Variants in MTCL1 observed in about 807,000 individuals in gnomAD.
MTCL1 encodes the protein microtubule crosslinking factor 1, also known as microtubule cross-linking factor 1.
A neutral mutation model predicts 141.4 loss-of-function variants in MTCL1; 79 were observed. The ratio of observed to expected loss-of-function variants is 0.56; its 90% CI spans 0.47 to 0.67. MTCL1 has a LOEUF of 0.67. Among genes scored for constraint, MTCL1 ranks in the 30% least tolerant of loss-of-function variants. The pLI, the probability that MTCL1 is intolerant of heterozygous loss-of-function variation, is 0.00. For synonymous variants in MTCL1, 914 were observed against 875.8 expected (o/e 1.04, Z -0.77); for missense variants, 2,177 against 2,113.9 (o/e 1.03, Z -0.59).
chr18:8,740,570 C>T (rs1481027588), intron 4 of MTCL1, among the ~76,000 whole-genome samples: 2 of 152,214 alleles, frequency 1.3e-5, no homozygotes, highest in Admixed American at 1.3e-4. Flanking sequence ...GCAACCTCCA[C>T]CTCCTGGGTT....
intron 13 of MTCL1, 43 bp from the exon 13 acceptor site, chr18:8,821,424 A>T (rs779627205): frequency 1.5e-6 from 2 of 1,338,828 alleles, no homozygotes; most frequent in Non-Finnish European, 2.1e-6. Flanking sequence ...CTTCTGGACA[A>T]CCAAAATTAA....
chr18:8,749,602 A>C (rs1275446024), intron 4 of MTCL1, among the ~76,000 whole-genome samples: 1 of 152,226 alleles, frequency 6.6e-6, no homozygotes, highest in Non-Finnish European at 1.5e-5. Context: ...AGAAGAAAGC[A>C]GAGCCTGAGC....
At chr18:8,724,183 G>A (rs975503308) in intron 4 of MTCL1, among the ~76,000 whole-genome samples, 1 of 152,154 alleles carries the variant, frequency 6.6e-6, no homozygotes, top group Non-Finnish European at 1.5e-5. Context: ...GCCGAGGTGG[G>A]TGGATCACCT....
At chr18:8,798,204 G>A (rs1389533659) in exon 10 of MTCL1, 3 of 1,600,012 alleles carry the variant, frequency 1.9e-6, no homozygotes, top group Non-Finnish European at 2.6e-6. Context: ...GCTTTCCAGT[G>A]GGGGAGCACT....
exon 1 of MTCL1, chr18:8,706,473 C>T (rs1379256570): frequency 7.9e-7 from 1 of 1,265,744 alleles, no homozygotes; most frequent in African/African-American, 1.6e-5. Flanking sequence ...CGCTCCTCGC[C>T]GCGCCCCTCG....
intron 4 of MTCL1, 48 bp from the exon 4 acceptor site, chr18:8,777,785 A>G (rs1271914651): frequency 1.3e-6 from 2 of 1,569,552 alleles, no homozygotes; most frequent in Non-Finnish European, 1.8e-6. Context: ...AATGCTGGCT[A>G]TCACGTGTGA....
intron 4 of MTCL1, among the ~76,000 whole-genome samples, chr18:8,728,524 C>T (rs1317604251): frequency 6.6e-6 from 1 of 151,856 alleles, no homozygotes; most frequent in Non-Finnish European, 1.5e-5. Context: ...AGTTTCAGTC[C>T]ACTTTATCTA....
At position 8,807,836 on chromosome 18, in the gene MTCL1, G is replaced by A. The variant is rs535068776; in HGVS notation, c.2604+776G>A. Among the ~76,000 whole-genome samples, 81 of 152,274 alleles carry A rather than the reference G, an allele frequency of 5.3e-4. 2 individuals carry two copies. Among genetic ancestry groups the A allele is most frequent in the African/African-American group, 1.9e-3 (80 of 41,556 alleles). On this transcript the variant is annotated intron_variant, in intron 11 of 16. Coordinates refer to ENST00000359865, the Ensembl canonical transcript of MTCL1. ...AGCCCCTTGATCATGAGGAGGGAGG[G>A]AAGGTCTGTGTATCCTTGGTAATCT...
chr18:8,706,436 C>T (rs1458021149), exon 1 of MTCL1: 4 of 1,227,050 alleles, frequency 3.3e-6, no homozygotes, highest in Non-Finnish European at 3.0e-6. Context: ...GCCCGAGGAG[C>T]GCCGCCGGGC....
intron 11 of MTCL1, among the ~76,000 whole-genome samples, chr18:8,808,479 C>A: frequency 6.6e-6 from 1 of 151,988 alleles, no homozygotes; most frequent in South Asian, 2.1e-4. Context: ...CCCTAAATAC[C>A]AAAAAATAAA....
intron 4 of MTCL1, among the ~76,000 whole-genome samples, chr18:8,730,944 G>T (rs1402208631): frequency 3.3e-5 from 5 of 152,152 alleles, no homozygotes; most frequent in African/African-American, 1.2e-4. Flanking sequence ...TGTGCTTGCT[G>T]CTTTTCTTAA....
At chr18:8,786,524 G>A (rs144774234) in intron 7 of MTCL1, 100 of 367,932 alleles carry the variant, frequency 2.7e-4, no homozygotes, top group Non-Finnish European at 4.1e-4. Context: ...ACCATCCCAC[G>A]GTCTCGAGTG....
At chr18:8,816,136 A>G (rs1157059510) in intron 12 of MTCL1, among the ~76,000 whole-genome samples, 2 of 152,210 alleles carry the variant, frequency 1.3e-5, no homozygotes, top group African/African-American at 4.8e-5. Context: ...ATGGGTGTAT[A>G]TAGATTTTGT....
chr18:8,760,520 A>G (rs546401962), intron 4 of MTCL1, among the ~76,000 whole-genome samples: 1 of 152,314 alleles, frequency 6.6e-6, no homozygotes, highest in East Asian at 1.9e-4. Context: ...TAGGAAGCAA[A>G]TGTTAGGATT....
chr18:8,785,158 C>T (rs769018061), intron 6 of MTCL1, among the ~76,000 whole-genome samples: 2 of 152,184 alleles, frequency 1.3e-5, no homozygotes, highest in Non-Finnish European at 2.9e-5. Context: ...CGATAGGGCT[C>T]GACGCATGCC....
At chr18:8,720,760 A>T (rs1340552818) in intron 4 of MTCL1, among the ~76,000 whole-genome samples, 2 of 152,210 alleles carry the variant, frequency 1.3e-5, no homozygotes, top group Non-Finnish European at 2.9e-5. Context: ...AAAGCCTAAA[A>T]TATTTTCTAT....
rs2096524464 is a variant in MTCL1 at position 8,779,228 on chromosome 18, G to A, written c.417+1336G>A. Among the ~76,000 whole-genome samples, 1 of 152,166 alleles carries A rather than the reference G, an allele frequency of 6.6e-6. No homozygotes were observed. Among genetic ancestry groups the A allele is most frequent in the African/African-American group, 2.4e-5 (1 of 41,440 alleles). On this transcript the variant is annotated intron_variant, in intron 5 of 16. Transcript: ENST00000359865. The surrounding 1 kb of genome is among the most constrained non-coding windows in gnomAD (Gnocchi z 4.1). Reference sequence around the variant, plus strand: ...GCTTGACAAGGCCTTTCCCGCTGGTGGTGATGGTGGTGGGCCCCTGGGTGT... The same window carrying A: ...GCTTGACAAGGCCTTTCCCGCTGGTAGTGATGGTGGTGGGCCCCTGGGTGT...
intron 4 of MTCL1, among the ~76,000 whole-genome samples, chr18:8,727,400 A>G (rs1365433151): frequency 6.6e-6 from 1 of 152,222 alleles, no homozygotes; most frequent in Non-Finnish European, 1.5e-5. Context: ...ACTAATTTAC[A>G]TTCCTACTAA....
rs1380143564 is a variant in MTCL1, at chr18:8,828,182, G to A, written c.4723-726G>A. ...CTCGGTATGCGTTCCCAAATCCCCA[G>A]GACTACTTCTGATTCCAAGCCCACC... On this transcript the variant is annotated intron_variant, in intron 15 of 16. Transcript: ENST00000359865. The surrounding 1 kb of genome is among the most constrained non-coding windows in gnomAD (Gnocchi z 5.2). Among the ~76,000 whole-genome samples, 1 of 152,126 alleles carries A rather than the reference G, an allele frequency of 6.6e-6. No individual in the cohort carries two copies. Among genetic ancestry groups the A allele is most frequent in the African/African-American group, 2.4e-5 (1 of 41,420 alleles).
Sources: gnomAD v4.1 joint callset for allele counts (sites outside exome capture counted in the v4.1 genomes callset) on GRCh38, gnomAD v4.1.1 for gene constraint, Gnocchi (gnomAD v3.1) non-coding constraint, MANE v1.5 for transcripts, NCBI Gene and HGNC (gene_info 2026-07-23, HGNC 2026-07-21) for gene names.